The following SLC39A8 variants were observed in gnomAD, a reference collection of about 807,000 sequenced individuals.
SLC39A8 encodes solute carrier family 39 member 8, also known as metal cation symporter ZIP8.
SLC39A8 carries 15 observed loss-of-function variants against 40.4 expected under a neutral mutation model. The ratio of observed to expected loss-of-function variants is 0.37; its 90% confidence interval spans 0.25 to 0.57. The LOEUF is 0.57. SLC39A8 is among the 20% of genes least tolerant of loss of function. SLC39A8 has a pLI of 0.75. For missense variants in SLC39A8, 472 were observed against 558.8 expected (o/e 0.84, Z 1.57); for synonymous variants, 223 against 221.6 (o/e 1.01, Z -0.06).
At chr4:102,333,604 A>G (rs1227462095) in intron 2 of SLC39A8, among the ~76,000 whole-genome samples, 1 of 152,204 alleles carries the variant, frequency 6.6e-6, no homozygotes, top group Non-Finnish European at 1.5e-5. Context: ...TGATGGAGAA[A>G]GAGATGGAGT....
intron 2 of SLC39A8, among the ~76,000 whole-genome samples, chr4:102,335,399 A>T (rs957165776): frequency 2.6e-5 from 4 of 152,170 alleles, no homozygotes; most frequent in Non-Finnish European, 5.9e-5. Context: ...CAGTTAGACT[A>T]AAATAATGCT....
At chr4:102,291,901 T>G (rs59814792) in intron 6 of SLC39A8, among the ~76,000 whole-genome samples, 11,292 of 151,874 alleles carry the variant, frequency 0.074, 612 homozygotes, top group South Asian at 0.15. Context: ...TTTCCTTCTT[T>G]TTAAAGGCTG....
In SLC39A8 at chr4:102,307,423, C is replaced by T; in HGVS notation, c.552+13G>A. 2 of 1,610,544 alleles carry T rather than the reference C, an allele frequency of 1.2e-6. No individual in the cohort carries two copies. The highest frequency in any genetic ancestry group is 1.7e-6 in the Non-Finnish European group (2 of 1,178,896). On this transcript the variant is annotated intron_variant, in intron 4 of 8. Coordinates refer to ENST00000356736, the MANE Select transcript of SLC39A8 (RefSeq NM_001135146.2). Reference sequence around the variant, plus strand: ...AACAATTATTCACAGAAACAAATAGCCAACATCCTTACCTCTGGAATAAGT... The same window carrying T: ...AACAATTATTCACAGAAACAAATAGTCAACATCCTTACCTCTGGAATAAGT...
At chr4:102,270,401 A>C (rs1732298182) in intron 6 of SLC39A8, among the ~76,000 whole-genome samples, 1 of 152,218 alleles carries the variant, frequency 6.6e-6, no homozygotes, top group Non-Finnish European at 1.5e-5. Context: ...TTTGGAACAA[A>C]CCAAAGTCAG....
At chr4:102,259,426 C>T, downstream of SLC39A8, 1 of 1,432,724 alleles carries the variant, frequency 7.0e-7, no homozygotes, top group Non-Finnish European at 9.6e-7. Context: ...GCAAGCCCAC[C>T]CATTAAAATT....
In SLC39A8 at chr4:102,344,886, C is replaced by T. The variant is rs181002557; in HGVS notation, c.-224G>A. 6.9e-6 allele frequency: 9 copies of T among 1,300,432 alleles called. No individual in the cohort carries two copies. The South Asian group carries it at 1.9e-4, about 27-fold the overall frequency. The allele number at this position is 1,300,432 out of a possible 1,614,324, so 80.6% of individuals were successfully genotyped here. On this transcript the variant is annotated 5_prime_UTR_variant, in exon 2 of 9. Coordinates refer to ENST00000356736, the MANE Select transcript of SLC39A8 (RefSeq NM_001135146.2). ...CAGCGTAGCCGAGGGGAGCGATAGG[C>T]GGAGTGGGCCCCCCGGCCTCCTGGA...
At chr4:102,333,124 C>A (rs1188261520) in intron 2 of SLC39A8, among the ~76,000 whole-genome samples, 1 of 152,056 alleles carries the variant, frequency 6.6e-6, no homozygotes, top group Non-Finnish European at 1.5e-5. Flanking sequence ...AGTAACAAAC[C>A]TGCATGTTCT....
At chr4:102,310,614 T>C (rs1734390557) in intron 3 of SLC39A8, among the ~76,000 whole-genome samples, 1 of 152,130 alleles carries the variant, frequency 6.6e-6, no homozygotes, top group African/African-American at 2.4e-5. Flanking sequence ...GTGTAATTCA[T>C]CACATTCTAA....
chr4:102,343,797 T>A (rs7655997), intron 2 of SLC39A8, among the ~76,000 whole-genome samples: 3,692 of 151,078 alleles, frequency 0.024, 139 homozygotes, highest in African/African-American at 0.08. Flanking sequence ...ACTGAAAAAA[T>A]TTTTTTAATC....
intron 3 of SLC39A8, among the ~76,000 whole-genome samples, chr4:102,312,645 G>A (rs574477100): frequency 5.3e-4 from 80 of 152,192 alleles, no homozygotes; most frequent in Admixed American, 1.6e-3. Flanking sequence ...CTCACTTCCT[G>A]TACCTAGAGT....
intron 2 of SLC39A8, among the ~76,000 whole-genome samples, chr4:102,316,220 G>A (rs890185094): frequency 1.3e-5 from 2 of 152,118 alleles, no homozygotes; most frequent in African/African-American, 2.4e-5. Context: ...GATATTTTGT[G>A]TGTGTCACTG....
At chr4:102,345,130 A>G in intron 1 of SLC39A8, 1 of 158,512 alleles carries the variant, frequency 6.3e-6, no homozygotes, top group Non-Finnish European at 1.4e-5. Flanking sequence ...GGAAAAACTA[A>G]AACCACACTA....
intron 6 of SLC39A8, among the ~76,000 whole-genome samples, chr4:102,272,488 A>G (rs952420748): frequency 1.8e-4 from 27 of 152,048 alleles, no homozygotes; most frequent in Non-Finnish European, 3.1e-4. Flanking sequence ...TCATGAGCTT[A>G]TGTTCCCAGC....
chr4:102,311,934 A>G (rs1212820117), intron 3 of SLC39A8, among the ~76,000 whole-genome samples: 4 of 152,058 alleles, frequency 2.6e-5, no homozygotes, highest in Non-Finnish European at 5.9e-5. Flanking sequence ...TGTTTTTCTT[A>G]GTGAGAAAAA....
intron 6 of SLC39A8, among the ~76,000 whole-genome samples, chr4:102,296,347 C>A (rs1733675687): frequency 6.6e-6 from 1 of 152,046 alleles, no homozygotes; most frequent in African/African-American, 2.4e-5. Flanking sequence ...AAGTGATGAT[C>A]TTTACATAAT....
At chr4:102,329,898 A>G (rs1191914556) in intron 2 of SLC39A8, among the ~76,000 whole-genome samples, 2 of 152,202 alleles carry the variant, frequency 1.3e-5, no homozygotes, top group Non-Finnish European at 2.9e-5. Context: ...ACACAACTAC[A>G]TGGAAACTGA....
In SLC39A8 at chr4:102,344,526, G is replaced by T; in HGVS notation, c.137C>A (p.Ala46Glu). 2 of 1,558,764 alleles carry T rather than the reference G, an allele frequency of 1.3e-6. No individual in the cohort carries two copies. Among genetic ancestry groups the T allele is most frequent in the Non-Finnish European group, 1.7e-6 (2 of 1,151,654 alleles). The change falls in exon 2 of 9, where the codon GCG becomes GAG. Residue 46 changes from alanine (A) to glutamate (E), a missense_variant. By Grantham distance (107) the Ala-to-Glu change is moderately radical. Around this residue, in one of 4 missense-constraint regions of SLC39A8, gnomAD observed 175 missense variants for 160.5 expected, o/e 1.09. Transcript: ENST00000356736. ...VFGANLSLSA[A>E]QLQHLLEQMG... is the part of the protein sequence containing the mutation. ...CTGCTCCAGCAAGTGCTGGAGCTGC[G>T]CCGCCGACAGGCTCAGATTCGCGCC...
At position 102,273,851 on chromosome 4, in the gene SLC39A8, AGGGG is replaced by A. The variant is rs879867997; in HGVS notation, c.841-5776_841-5773del. On this transcript the variant is annotated intron_variant, in intron 6 of 8. Coordinates refer to ENST00000356736, the MANE Select transcript of SLC39A8 (RefSeq NM_001135146.2). Reference sequence around the variant, plus strand: ...GCAAACTCCAGAAGACCTGCAGAAGAGGGGTCTGACTGTTAGAAGGAAAACCAAC... The same window carrying A: ...GCAAACTCCAGAAGACCTGCAGAAGATCTGACTGTTAGAAGGAAAACCAAC... 7.6e-3 allele frequency among the ~76,000 whole-genome samples: 1,158 copies of A among 152,328 alleles called. 34 individuals carry two copies. In the East Asian group the frequency reaches 0.079, roughly 10 times the overall value.
At chr4:102,343,159 A>G (rs1020650789) in intron 2 of SLC39A8, among the ~76,000 whole-genome samples, 2 of 152,222 alleles carry the variant, frequency 1.3e-5, no homozygotes, top group Non-Finnish European at 2.9e-5. Context: ...AAGAACATGC[A>G]TAAGGGGACC....
Sources: gnomAD v4.1 joint callset for allele counts (sites outside exome capture counted in the v4.1 genomes callset) on GRCh38, gnomAD v4.1.1 for gene constraint, gnomAD v4.1.1 regional missense constraint, MANE v1.5 for transcripts, NCBI Gene and HGNC (gene_info 2026-07-23, HGNC 2026-07-21) for gene names.